NBAS: variants seen among roughly 807,000 people sequenced by gnomAD.
The protein encoded by NBAS is NAG/BC035112 fusion.
In NBAS, 219 loss-of-function variants were observed where a neutral mutation model predicts 302.5. The observed-to-expected ratio is 0.72, with a 90% CI of 0.65 to 0.81. The LOEUF (loss-of-function observed/expected upper bound fraction) is 0.81, where lower values mean the gene tolerates loss of function less well. Among genes scored for constraint, NBAS ranks in the 30% least tolerant of loss-of-function variants. The probability of loss-of-function intolerance (pLI) is 0.00; values close to 1 mark genes in which losing one functional copy is unlikely to be tolerated. For synonymous variants in NBAS, 1,118 were observed against 1,021.6 expected (o/e 1.09, Z -1.80); for missense variants, 2,932 against 2,841.6 (o/e 1.03, Z -0.72).
intron 10 of NBAS, among the ~76,000 whole-genome samples, chr2:15,510,881 T>C (rs920633013): frequency 4.6e-5 from 7 of 152,138 alleles, no homozygotes; most frequent in African/African-American, 1.4e-4. Flanking sequence ...TTAGAGCATA[T>C]AAAAAGCACT....
chr2:15,085,439 G>A, the NBAS span, among the ~76,000 whole-genome samples: 1 of 152,132 alleles, frequency 6.6e-6, no homozygotes, highest in African/African-American at 2.4e-5. Flanking sequence ...GATCCCCTCA[G>A]CCCAGGGCCA....
At chr2:15,467,551 CA>C in intron 18 of NBAS, 112 bp downstream of exon 18, 1 of 1,289,562 alleles carries the variant, frequency 7.8e-7, no homozygotes. Context: ...ATAGTAAGTA[CA>C]TTTGATCTAA....
the NBAS span, among the ~76,000 whole-genome samples, chr2:15,094,193 C>A: frequency 1.3e-5 from 2 of 152,232 alleles, no homozygotes; most frequent in Non-Finnish European, 2.9e-5. Flanking sequence ...CCTCCCATTC[C>A]AGTCCAGTCC....
chr2:15,006,056 G>A, the NBAS span, among the ~76,000 whole-genome samples: 1 of 152,084 alleles, frequency 6.6e-6, no homozygotes, highest in African/African-American at 2.4e-5. Flanking sequence ...AAACATATGT[G>A]GTAATGAACT....
At chr2:14,971,500 GCGAGACTCT>G in the NBAS span, among the ~76,000 whole-genome samples, 1 of 152,136 alleles carries the variant, frequency 6.6e-6, no homozygotes, top group Non-Finnish European at 1.5e-5. Context: ...GGGCGACAGA[GCGAGACTCT>G]GTCTCAAAAT....
rs1665289725 is a variant in NBAS at position 15,190,340 on chromosome 2, A to T, written c.6496T>A (p.Ser2166Thr). The change falls in exon 49 of 52, where the codon TCT becomes ACT. Residue 2166 changes from serine (S) to threonine (T), a missense_variant. By Grantham distance (58) the Ser-to-Thr change is moderately conservative. Coordinates refer to ENST00000281513, the MANE Select transcript of NBAS (RefSeq NM_015909.4). ...RYCLFMELLE[S>T]SHHEAEFQHL... ...TGAAATTCAGCCTCGTGGTGACTAG[A>T]TTCCAGGAGTTCCATGAATAGACAG... 3.1e-6 allele frequency: 5 copies of T among 1,613,924 alleles called. No individual in the cohort carries two copies.
At chr2:15,025,303 T>C in the NBAS span, among the ~76,000 whole-genome samples, 2 of 152,206 alleles carry the variant, frequency 1.3e-5, no homozygotes, top group Non-Finnish European at 2.9e-5. Context: ...CTGGGCTCTC[T>C]ATTCTGTTCC....
downstream of NBAS, among the ~76,000 whole-genome samples, chr2:15,165,163 T>A (rs1663983863): frequency 6.6e-6 from 1 of 152,226 alleles, no homozygotes; most frequent in African/African-American, 2.4e-5. Context: ...TCACTCAATG[T>A]TTTCATTCAC....
At chr2:14,846,593 A>G in the NBAS span, among the ~76,000 whole-genome samples, 4 of 152,140 alleles carry the variant, frequency 2.6e-5, no homozygotes, top group Non-Finnish European at 5.9e-5. Context: ...TAAAAGATGA[A>G]CCAATCAAAA....
the NBAS span, among the ~76,000 whole-genome samples, chr2:15,097,641 G>T: frequency 1.3e-5 from 2 of 151,602 alleles, no homozygotes; most frequent in African/African-American, 4.9e-5. Flanking sequence ...ACAAAAGAGA[G>T]CAGGCGAGCT....
chr2:15,111,038 T>C, the NBAS span, among the ~76,000 whole-genome samples: 2 of 152,144 alleles, frequency 1.3e-5, no homozygotes, highest in East Asian at 1.9e-4. Context: ...GTACCCAATA[T>C]AGTTAGGATA....
At chr2:15,290,372 GA>G (rs1241220338) in intron 41 of NBAS, among the ~76,000 whole-genome samples, 2 of 152,164 alleles carry the variant, frequency 1.3e-5, no homozygotes, top group Non-Finnish European at 2.9e-5. Flanking sequence ...AGATTGTACA[GA>G]AGATTCTATT....
the NBAS span, among the ~76,000 whole-genome samples, chr2:14,992,033 G>A: frequency 1.8e-3 from 278 of 152,250 alleles, 3 homozygotes; most frequent in South Asian, 3.5e-3. Flanking sequence ...GCTTTCTGAA[G>A]GTGGAGAAGT....
At chr2:15,020,539 G>C in the NBAS span, among the ~76,000 whole-genome samples, 1 of 152,178 alleles carries the variant, frequency 6.6e-6, no homozygotes, top group Admixed American at 6.5e-5. Context: ...AAGAGCAAAG[G>C]CTGTGGAGAG....
the NBAS span, among the ~76,000 whole-genome samples, chr2:15,147,528 GTT>G: frequency 1.3e-5 from 2 of 152,162 alleles, no homozygotes; most frequent in South Asian, 2.1e-4. Flanking sequence ...GGAGGTGGAG[GTT>G]GCTGTGAGCC....
intron 47 of NBAS, among the ~76,000 whole-genome samples, chr2:15,223,563 T>A (rs1305977546): frequency 6.6e-6 from 1 of 152,104 alleles, no homozygotes; most frequent in African/African-American, 2.4e-5. Context: ...ATACAAATGA[T>A]TTTTAAAAGT....
At chr2:15,145,401 ATGTGTGTG>A in the NBAS span, among the ~76,000 whole-genome samples, 37 of 148,224 alleles carry the variant, frequency 2.5e-4, 1 homozygote, top group African/African-American at 5.2e-4. Flanking sequence ...GTTTGTTTGT[ATGTGTGTG>A]TGTGTGTGTG....
chr2:15,375,085 G>A (rs1007239606), intron 30 of NBAS, among the ~76,000 whole-genome samples: 2 of 152,136 alleles, frequency 1.3e-5, no homozygotes, highest in Non-Finnish European at 2.9e-5. Flanking sequence ...AAAGGATGAA[G>A]TTCAGATAAT....
At chr2:14,848,049 T>C in the NBAS span, among the ~76,000 whole-genome samples, 32,263 of 151,906 alleles carry the variant, frequency 0.21, 5,562 homozygotes, top group African/African-American at 0.47. Flanking sequence ...AATGAAGAAA[T>C]TAAGAAGAAA....
Sources: allele counts gnomAD v4.1 joint callset (sites outside exome capture counted in the v4.1 genomes callset), GRCh38; gene constraint gnomAD v4.1.1; transcripts MANE v1.5; gene names NCBI Gene and HGNC (gene_info 2026-07-23, HGNC 2026-07-21).